Variants in SUMF2 observed in about 807,000 individuals in gnomAD.
SUMF2 encodes the protein inactive C-alpha-formylglycine-generating enzyme 2.
In SUMF2, 45 loss-of-function variants were observed where a neutral mutation model predicts 44.8. The observed-to-expected ratio is 1.00, with a 90% confidence interval of 0.79 to 1.29. SUMF2 has a LOEUF of 1.29. SUMF2 is among the 50% of genes most tolerant of loss of function. The pLI, the probability that SUMF2 is intolerant of heterozygous loss-of-function variation, is 0.00. For synonymous variants in SUMF2, 148 were observed against 150.4 expected (o/e 0.98, Z 0.12); for missense variants, 418 against 389.9 (o/e 1.07, Z -0.61).
At chr7:56,073,234 AG>A in intron 3 of SUMF2, 123 bp downstream of exon 3, 2 of 770,602 alleles carry the variant, frequency 2.6e-6, no homozygotes, top group Non-Finnish European at 4.5e-6. Flanking sequence ...GCAGAGGGGA[AG>A]CAAGAGAAAC....
At chr7:56,076,353 G>A (rs1287952860) in intron 5 of SUMF2, among the ~76,000 whole-genome samples, 1 of 151,852 alleles carries the variant, frequency 6.6e-6, no homozygotes, top group Non-Finnish European at 1.5e-5. Context: ...GTAGAGACAG[G>A]ATTTCACTGT....
chr7:56,081,910 C>T, downstream of SUMF2: 5 of 1,613,564 alleles, frequency 3.1e-6, no homozygotes, highest in Non-Finnish European at 2.5e-6. The surrounding 1 kb of genome is among the most constrained non-coding windows in gnomAD (Gnocchi z 4.6). Context: ...TTCACGGTGT[C>T]CGAGTAATCA....
At chr7:56,074,790 A>G (rs1795429754) in intron 5 of SUMF2, 54 bp downstream of exon 5, 3 of 1,606,680 alleles carry the variant, frequency 1.9e-6, no homozygotes, top group Non-Finnish European at 2.6e-6. Flanking sequence ...CCTGCCCAGC[A>G]TGAGGGGCTT....
chr7:56,082,158 C>G (rs745827411), downstream of SUMF2: 11 of 1,613,638 alleles, frequency 6.8e-6, no homozygotes, highest in South Asian at 9.9e-5. Context: ...TCCCGGCGCA[C>G]TCACATGTCC....
chr7:56,086,862 T>C, the SUMF2 span: 7 of 852,840 alleles, frequency 8.2e-6, no homozygotes, highest in Non-Finnish European at 1.4e-5. Flanking sequence ...GTATTTGGCA[T>C]CCTCAGCGCA....
intron 8 of SUMF2, chr7:56,079,169 C>T (rs1018889279): frequency 2.8e-5 from 14 of 494,224 alleles, no homozygotes; most frequent in Middle Eastern, 4.9e-4. Flanking sequence ...CCACTGCACC[C>T]GGCCGTGATA....
chr7:56,074,876 T>C, intron 5 of SUMF2, 140 bp downstream of exon 5: 1 of 1,069,120 alleles, frequency 9.4e-7, no homozygotes, highest in Non-Finnish European at 1.4e-6. Context: ...GGCAGGAGGA[T>C]CGCTTGAGGC....
intron 1 of SUMF2, among the ~76,000 whole-genome samples, chr7:56,065,192 A>AG (rs1173716507): frequency 9.1e-4 from 80 of 87,646 alleles, no homozygotes; most frequent in Middle Eastern, 8.8e-3. Flanking sequence ...CTCCGTCTCA[A>AG]AAAAAAAAAA....
intron 2 of SUMF2, among the ~76,000 whole-genome samples, chr7:56,072,647 CG>C (rs1005632999): frequency 4.1e-5 from 6 of 147,936 alleles, no homozygotes; most frequent in Admixed American, 4.0e-4. Context: ...GGCGTGAAAC[CG>C]GGAGGCGGAG....
chr7:56,082,638 C>G (rs948389068), downstream of SUMF2, among the ~76,000 whole-genome samples: 2 of 151,938 alleles, frequency 1.3e-5, no homozygotes, highest in Non-Finnish European at 2.9e-5. Context: ...GATGATGGAA[C>G]AGAAATGGCG....
chr7:56,074,486 T>C (rs1795399425), intron 4 of SUMF2, 100 bp from the exon 5 acceptor site: 5 of 1,473,386 alleles, frequency 3.4e-6, no homozygotes, highest in Middle Eastern at 2.0e-4. Flanking sequence ...GCTCTCTTGC[T>C]CCATCTAGTG....
downstream of SUMF2, among the ~76,000 whole-genome samples, chr7:56,085,537 A>G (rs1188092580): frequency 6.6e-6 from 1 of 152,222 alleles, no homozygotes; most frequent in Non-Finnish European, 1.5e-5. Flanking sequence ...GGTGATGGTG[A>G]TGATGATATT....
chr7:56,075,618 G>A (rs1042354089), intron 5 of SUMF2, among the ~76,000 whole-genome samples: 1 of 150,628 alleles, frequency 6.6e-6, no homozygotes, highest in African/African-American at 2.4e-5. Flanking sequence ...GGAATGGCGT[G>A]AACCTGGCAG....
At chr7:56,067,754 G>A (rs1004379903) in intron 1 of SUMF2, among the ~76,000 whole-genome samples, 2 of 151,802 alleles carry the variant, frequency 1.3e-5, no homozygotes, top group Non-Finnish European at 2.9e-5. Flanking sequence ...TTAGCCAGGT[G>A]TGGTGGTGCA....
chr7:56,067,494 T>C (rs1352723798), intron 1 of SUMF2, among the ~76,000 whole-genome samples: 1 of 152,148 alleles, frequency 6.6e-6, no homozygotes, highest in Non-Finnish European at 1.5e-5. Context: ...TTGATACAGC[T>C]GCTACCTAAG....
chr7:56,078,380 G>C lies in SUMF2; in HGVS notation c.693G>C (p.Leu231=), dbSNP rs1795719907. Residue 231 remains leucine (L), a synonymous_variant, in exon 8 of 9, where the codon CTG becomes CTC. Transcript: ENST00000434526. ...GGGCTGCAGGGCTCTATGACCTCCT[G>C]GGGAACGTGTGGGAGTGGACAGCAT... The part of the protein sequence containing the change: ...AQNNYGLYDL[L]GNVWEWTASP... 1 of 1,608,702 alleles carries C rather than the reference G, an allele frequency of 6.2e-7. No individual in the cohort carries two copies. Among genetic ancestry groups the C allele is most frequent in the African/African-American group, 1.3e-5 (1 of 74,816 alleles).
intron 2 of SUMF2, among the ~76,000 whole-genome samples, chr7:56,070,569 G>C (rs892780744): frequency 1.3e-5 from 2 of 151,864 alleles, no homozygotes; most frequent in Non-Finnish European, 2.9e-5. Context: ...GGTTGAGGCT[G>C]TAGTGAGCCA....
downstream of SUMF2, chr7:56,083,215 A>G (rs1048212380): frequency 4.1e-5 from 60 of 1,458,370 alleles, no homozygotes; most frequent in Non-Finnish European, 5.6e-5. Context: ...GACCATCTCT[A>G]TTCTGCAGAT....
intron 2 of SUMF2, among the ~76,000 whole-genome samples, chr7:56,068,864 G>A (rs1330489647): frequency 1.3e-5 from 2 of 151,474 alleles, no homozygotes; most frequent in Admixed American, 6.6e-5. Context: ...CACCACGCCC[G>A]GCTAATTTTT....
Sources: allele counts gnomAD v4.1 joint callset (sites outside exome capture counted in the v4.1 genomes callset), GRCh38; gene constraint gnomAD v4.1.1; non-coding constraint Gnocchi (gnomAD v3.1); transcripts MANE v1.5; gene names NCBI Gene and HGNC (gene_info 2026-07-23, HGNC 2026-07-21).